Variants in LRRTM4 observed in about 807,000 individuals in gnomAD.
LRRTM4 encodes the protein leucine rich repeat transmembrane neuronal 4.
Under a neutral mutation model 47.6 loss-of-function variants are expected in LRRTM4, and 25 were observed. That is an observed-to-expected ratio of 0.53 (90% CI 0.38 to 0.73). The LOEUF is 0.73. Ranked by LOEUF, LRRTM4 falls within the 30% of genes least tolerant of loss-of-function variation. LRRTM4 has a pLI of 0.00. For synonymous variants in LRRTM4, 311 were observed against 269.5 expected, an observed-to-expected ratio of 1.15 and a Z score of -1.51; for missense variants, 638 against 713.4, an observed-to-expected ratio of 0.89 and a Z score of 1.20.
At chr2:76,914,955 A>G (rs1197566177) in intron 3 of LRRTM4, among the ~76,000 whole-genome samples, 3 of 152,208 alleles carry the variant, frequency 2.0e-5, no homozygotes, top group African/African-American at 4.8e-5. Flanking sequence ...ATTAAATGGT[A>G]CTCCTTTTCT....
chr2:76,803,804 A>G (rs758009541), intron 3 of LRRTM4, among the ~76,000 whole-genome samples: 5 of 152,178 alleles, frequency 3.3e-5, no homozygotes, highest in Non-Finnish European at 5.9e-5. Context: ...ACAGTGGTTC[A>G]CGGTCCCTGA....
chr2:77,445,695 G>A (rs1676025869), intron 3 of LRRTM4, among the ~76,000 whole-genome samples: 1 of 151,848 alleles, frequency 6.6e-6, no homozygotes, highest in Admixed American at 6.6e-5. Flanking sequence ...CAATACATTT[G>A]GGGTCCTTTA....
chr2:77,303,213 A>G (rs1677178748), intron 3 of LRRTM4, among the ~76,000 whole-genome samples: 2 of 151,972 alleles, frequency 1.3e-5, no homozygotes, highest in Admixed American at 1.3e-4. Flanking sequence ...GTGAGCCAAG[A>G]TCGTGCCATT....
chr2:76,931,694 A>T (rs1674774266), intron 3 of LRRTM4, among the ~76,000 whole-genome samples: 1 of 152,098 alleles, frequency 6.6e-6, no homozygotes, highest in Admixed American at 6.6e-5. Flanking sequence ...TAAGGTCTTG[A>T]TTTAAAGAAG....
intron 3 of LRRTM4, among the ~76,000 whole-genome samples, chr2:76,834,255 T>C (rs1299340127): frequency 6.6e-6 from 1 of 151,416 alleles, no homozygotes; most frequent in African/African-American, 2.4e-5. Context: ...TTCACTATAT[T>C]GGCCAGTCTG....
intron 3 of LRRTM4, among the ~76,000 whole-genome samples, chr2:77,164,875 T>C (rs1672835095): frequency 6.6e-6 from 1 of 152,024 alleles, no homozygotes; most frequent in Admixed American, 6.6e-5. Context: ...AGATCTAAAA[T>C]TGACACCCTA....
intron 3 of LRRTM4, among the ~76,000 whole-genome samples, chr2:77,006,777 G>A (rs1209401978): frequency 1.3e-5 from 2 of 152,150 alleles, no homozygotes; most frequent in African/African-American, 4.8e-5. Flanking sequence ...GTGGGAACAA[G>A]CTGCTCACAA....
intron 3 of LRRTM4, among the ~76,000 whole-genome samples, chr2:77,127,726 G>T (rs1217923144): frequency 6.6e-6 from 1 of 152,094 alleles, no homozygotes; most frequent in African/African-American, 2.4e-5. Context: ...ACACATGCAT[G>T]GTCTTGGAGT....
chr2:76,892,292 A>C (rs939928606), intron 3 of LRRTM4, among the ~76,000 whole-genome samples: 1 of 151,690 alleles, frequency 6.6e-6, no homozygotes, highest in African/African-American at 2.4e-5. Flanking sequence ...ATCCATTAGA[A>C]ATTATTTTAC....
intron 3 of LRRTM4, among the ~76,000 whole-genome samples, chr2:77,501,342 A>G (rs898031667): frequency 6.6e-6 from 1 of 150,766 alleles, no homozygotes; most frequent in South Asian, 2.1e-4. Context: ...ATGAATACAT[A>G]GTCCATACGC....
At chr2:76,774,439 C>G (rs1308086223) in intron 3 of LRRTM4, among the ~76,000 whole-genome samples, 4 of 152,112 alleles carry the variant, frequency 2.6e-5, no homozygotes, top group African/African-American at 9.7e-5. Flanking sequence ...ATCTGCCTGC[C>G]TTGGCCTCAC....
chr2:77,437,995 A>G (rs1176528552), intron 3 of LRRTM4, among the ~76,000 whole-genome samples: 1 of 152,200 alleles, frequency 6.6e-6, no homozygotes, highest in Non-Finnish European at 1.5e-5. Flanking sequence ...TGTAACGGGT[A>G]TCACAATTAT....
chr2:76,760,129 C>A lies in LRRTM4; in HGVS notation c.1552-11213G>T, dbSNP rs563130624. On this transcript the variant is annotated intron_variant, in intron 3 of 3. Transcript: ENST00000409884. ...ATTTGGAAGAAGTTTACCTCTAAAGCTGTGAGCGTCTCACTTTCCTTTTCC... is the reference window on the plus strand; with the variant it reads ...ATTTGGAAGAAGTTTACCTCTAAAGATGTGAGCGTCTCACTTTCCTTTTCC... Among the ~76,000 whole-genome samples the A allele has an allele frequency of 4.7e-3, 718 of 152,230 alleles. 32 individuals are homozygous for A. Among genetic ancestry groups the A allele is most frequent in the Admixed American group, 0.042 (645 of 15,270 alleles).
At chr2:76,972,346 G>A (rs2103943144) in intron 3 of LRRTM4, among the ~76,000 whole-genome samples, 1 of 151,358 alleles carries the variant, frequency 6.6e-6, no homozygotes. Context: ...AAAAGTACTT[G>A]GAAGTCACCT....
intron 3 of LRRTM4, among the ~76,000 whole-genome samples, chr2:77,081,295 A>AC (rs1680524172): frequency 1.5e-5 from 2 of 131,700 alleles, no homozygotes; most frequent in African/African-American, 5.4e-5. Flanking sequence ...CACACACATA[A>AC]ATTTGTTGGA....
intron 3 of LRRTM4, among the ~76,000 whole-genome samples, chr2:76,913,600 C>T (rs915602354): frequency 4.3e-5 from 6 of 139,076 alleles, no homozygotes; most frequent in East Asian, 4.9e-4. Flanking sequence ...AGTGCAATTG[C>T]GCGATCTTGG....
At chr2:76,862,766 G>C (rs1672356434) in intron 3 of LRRTM4, among the ~76,000 whole-genome samples, 1 of 152,200 alleles carries the variant, frequency 6.6e-6, no homozygotes, top group Non-Finnish European at 1.5e-5. Context: ...CAATCTAAGA[G>C]CTGAAAATGA....
chr2:77,174,152 C>T (rs569575654), intron 3 of LRRTM4, among the ~76,000 whole-genome samples: 4 of 152,052 alleles, frequency 2.6e-5, no homozygotes, highest in Non-Finnish European at 4.4e-5. Flanking sequence ...CAATCCTGCC[C>T]GTGCACTCCT....
At chr2:76,897,533 A>C (rs187062183) in intron 3 of LRRTM4, among the ~76,000 whole-genome samples, 4 of 152,164 alleles carry the variant, frequency 2.6e-5, no homozygotes, top group Non-Finnish European at 4.4e-5. Flanking sequence ...GTAAACAGGC[A>C]TAATATTAGA....
Sources: gnomAD v4.1 joint callset for allele counts (sites outside exome capture counted in the v4.1 genomes callset) on GRCh38, gnomAD v4.1.1 for gene constraint, MANE v1.5 for transcripts, NCBI Gene and HGNC (gene_info 2026-07-23, HGNC 2026-07-21) for gene names.